TCF4: variants seen among roughly 807,000 people sequenced by gnomAD.
TCF4 encodes transcription factor 4, also known as SL3-3 enhancer factor 2.
TCF4 carries 3 observed loss-of-function variants against 82.1 expected under a neutral mutation model. That is an observed-to-expected ratio of 0.04 (90% CI 0.02 to 0.09). TCF4 has a LOEUF of 0.09. Ranked by LOEUF, TCF4 falls within the 10% of genes least tolerant of loss-of-function variation. The probability of loss-of-function intolerance (pLI) is 1.00; values close to 1 mark genes in which losing one functional copy is unlikely to be tolerated. For synonymous variants in TCF4, 276 were observed against 309.6 expected, an observed-to-expected ratio of 0.89 and a Z score of 1.14; for missense variants, 518 against 852.7, an observed-to-expected ratio of 0.61 and a Z score of 4.89.
At chr18:55,403,210 C>G (rs1158873732) in intron 6 of TCF4, among the ~76,000 whole-genome samples, 2 of 152,042 alleles carry the variant, frequency 1.3e-5, no homozygotes, top group Non-Finnish European at 2.9e-5. Flanking sequence ...CCACTGGTAC[C>G]GGCTGATGGA....
rs114057525 is a variant in TCF4, at chr18:55,470,976, G to T, written c.146-6839C>A. Among the ~76,000 whole-genome samples the T allele has an allele frequency of 1.8e-3, 276 of 152,218 alleles. 2 individuals carry two copies. The highest frequency in any genetic ancestry group is 6.5e-3 in the African/African-American group (269 of 41,540). On this transcript the variant is annotated intron_variant, in intron 3 of 19. Coordinates refer to ENST00000354452, the MANE Select transcript of TCF4 (RefSeq NM_001083962.2). ...ACCATTATGGAGACTCACAGACTGCGTACATCTGTGGCTCCTACTAATTTC... is the reference window on the plus strand; with the variant it reads ...ACCATTATGGAGACTCACAGACTGCTTACATCTGTGGCTCCTACTAATTTC...
chr18:55,511,236 C>G (rs1189039183), intron 3 of TCF4, among the ~76,000 whole-genome samples: 1 of 149,698 alleles, frequency 6.7e-6, no homozygotes, highest in Non-Finnish European at 1.5e-5. Flanking sequence ...CAAAGTATAA[C>G]CGGAAGCAAT....
chr18:55,416,525 G>T (rs922972670), intron 5 of TCF4, among the ~76,000 whole-genome samples: 36 of 152,090 alleles, frequency 2.4e-4, no homozygotes, highest in Admixed American at 1.6e-3. Context: ...CTCTATTCAC[G>T]AAACAAAAAC....
At chr18:55,257,522 G>T in intron 13 of TCF4, 131 bp from the exon 14 acceptor site, 1 of 845,290 alleles carries the variant, frequency 1.2e-6, no homozygotes, top group Non-Finnish European at 2.0e-6. Context: ...GTAAATACAT[G>T]TAAACTTCCC....
chr18:55,366,538 T>C (rs915141854), intron 6 of TCF4, among the ~76,000 whole-genome samples: 2 of 152,238 alleles, frequency 1.3e-5, no homozygotes, highest in African/African-American at 4.8e-5. Context: ...AACAGTCCTT[T>C]TCCTACAATG....
At chr18:55,605,361 T>C (rs2097701282) in intron 2 of TCF4, among the ~76,000 whole-genome samples, 1 of 152,196 alleles carries the variant, frequency 6.6e-6, no homozygotes, top group Admixed American at 6.5e-5. Context: ...AAGAGCATTG[T>C]ACAGATGAAA....
At chr18:55,444,795 AT>A (rs1448527624) in intron 5 of TCF4, among the ~76,000 whole-genome samples, 1 of 152,186 alleles carries the variant, frequency 6.6e-6, no homozygotes, top group Non-Finnish European at 1.5e-5. Flanking sequence ...AAAATTCATT[AT>A]TTCCAAAACT....
At chr18:55,606,634 T>C (rs1250446642) in intron 2 of TCF4, among the ~76,000 whole-genome samples, 1 of 152,148 alleles carries the variant, frequency 6.6e-6, no homozygotes, top group Admixed American at 6.6e-5. Flanking sequence ...ACAGGTAATA[T>C]CTATAACTTA....
At chr18:55,283,632 A>C (rs2063075335) in intron 8 of TCF4, among the ~76,000 whole-genome samples, 1 of 152,218 alleles carries the variant, frequency 6.6e-6, no homozygotes, top group South Asian at 2.1e-4. Context: ...TATTGGCCCA[A>C]ACCAGCTTGG....
At chr18:55,587,632 C>A (rs1009616515) in intron 1 of TCF4, among the ~76,000 whole-genome samples, 1 of 151,656 alleles carries the variant, frequency 6.6e-6, no homozygotes, top group Non-Finnish European at 1.5e-5. Flanking sequence ...CACTCCCCTC[C>A]GCTTTTCAAA....
intron 1 of TCF4, chr18:55,631,470 A>G: frequency 1.4e-6 from 2 of 1,427,520 alleles, no homozygotes; most frequent in East Asian, 2.6e-5. Context: ...TAGTCTGGGG[A>G]AGAAATGATA....
intron 3 of TCF4, among the ~76,000 whole-genome samples, chr18:55,525,678 C>T (rs1432878844): frequency 6.6e-6 from 1 of 152,148 alleles, no homozygotes; most frequent in Non-Finnish European, 1.5e-5. Context: ...AAGGCTATCA[C>T]TAGTTAGATT....
At chr18:55,308,856 G>A (rs1016468751) in intron 8 of TCF4, among the ~76,000 whole-genome samples, 2 of 152,126 alleles carry the variant, frequency 1.3e-5, no homozygotes, top group Admixed American at 6.5e-5. Context: ...TAGCAGCAAT[G>A]ACTCTATTCT....
At chr18:55,310,445 T>G (rs1459359215) in intron 8 of TCF4, among the ~76,000 whole-genome samples, 1 of 152,208 alleles carries the variant, frequency 6.6e-6, no homozygotes, top group African/African-American at 2.4e-5. Context: ...CTCCAAAATG[T>G]GGCACCTAAG....
chr18:55,439,414 T>C (rs2095395271), intron 5 of TCF4, among the ~76,000 whole-genome samples: 1 of 152,156 alleles, frequency 6.6e-6, no homozygotes, highest in Non-Finnish European at 1.5e-5. Flanking sequence ...CCAGGGATGA[T>C]GAACACACTG....
At chr18:55,460,607 C>A (rs1338083637) in intron 5 of TCF4, among the ~76,000 whole-genome samples, 3 of 152,136 alleles carry the variant, frequency 2.0e-5, no homozygotes, top group Middle Eastern at 3.2e-3. Flanking sequence ...TTTCATAACC[C>A]CTTTAGCAGA....
chr18:55,264,031 A>G (rs1309846312), intron 11 of TCF4, among the ~76,000 whole-genome samples: 1 of 152,144 alleles, frequency 6.6e-6, no homozygotes, highest in Admixed American at 6.6e-5. Context: ...AACTAAACAA[A>G]GTATTGAAAA....
intron 3 of TCF4, among the ~76,000 whole-genome samples, chr18:55,564,233 T>C (rs950831470): frequency 2.0e-5 from 3 of 152,162 alleles, no homozygotes; most frequent in Non-Finnish European, 2.9e-5. Flanking sequence ...CCAAACAGTA[T>C]ACAGCAGCAG....
intron 3 of TCF4, among the ~76,000 whole-genome samples, chr18:55,532,977 T>C (rs1246293723): frequency 6.6e-6 from 1 of 152,070 alleles, no homozygotes; most frequent in Non-Finnish European, 1.5e-5. Context: ...AAACAAAAAA[T>C]CACCAACACA....
Sources: allele counts gnomAD v4.1 joint callset (sites outside exome capture counted in the v4.1 genomes callset), GRCh38; gene constraint gnomAD v4.1.1; transcripts MANE v1.5; gene names NCBI Gene and HGNC (gene_info 2026-07-23, HGNC 2026-07-21).